The following ULK4 variants were observed in gnomAD, a reference collection of about 807,000 sequenced individuals.
The protein encoded by ULK4 is inactive serine/threonine-protein kinase ULK4.
A neutral mutation model predicts 160.6 loss-of-function variants in ULK4; 133 were observed. The observed-to-expected ratio is 0.83, with a 90% confidence interval of 0.72 to 0.96. The LOEUF (loss-of-function observed/expected upper bound fraction) is 0.96. Ranked by LOEUF, ULK4 falls within the 40% of genes least tolerant of loss-of-function variation. ULK4 has a pLI of 0.00. For synonymous variants in ULK4, 534 were observed against 539.8 expected, an observed-to-expected ratio of 0.99 and a Z score of 0.15; for missense variants, 1,580 against 1,499.5, an observed-to-expected ratio of 1.05 and a Z score of -0.89.
At chr3:41,937,478 G>A in intron 3 of ULK4, 1 of 560,096 alleles carries the variant, frequency 1.8e-6, no homozygotes, top group East Asian at 2.8e-5. Flanking sequence ...ATCCTTTATT[G>A]TTACTCAATG....
intron 13 of ULK4, among the ~76,000 whole-genome samples, chr3:41,899,487 A>C (rs1223038316): frequency 6.6e-6 from 1 of 152,234 alleles, no homozygotes; most frequent in African/African-American, 2.4e-5. Flanking sequence ...GAAACACAGA[A>C]TATTGTCTAA....
chr3:41,769,128 C>T (rs1244472789), intron 21 of ULK4, among the ~76,000 whole-genome samples: 1 of 152,128 alleles, frequency 6.6e-6, no homozygotes, highest in African/African-American at 2.4e-5. Context: ...TTATTTGTAA[C>T]ACAATAACTC....
At chr3:41,537,692 T>C (rs2086554701) in intron 32 of ULK4, among the ~76,000 whole-genome samples, 1 of 152,310 alleles carries the variant, frequency 6.6e-6, no homozygotes, top group Admixed American at 6.5e-5. Context: ...ATCATTGGGA[T>C]CAATCCAGAA....
intron 20 of ULK4, among the ~76,000 whole-genome samples, chr3:41,790,337 A>C (rs1390139866): frequency 6.6e-6 from 1 of 152,258 alleles, no homozygotes; most frequent in African/African-American, 2.4e-5. Flanking sequence ...TACAGTAGTT[A>C]AGTAACTTGC....
intron 22 of ULK4, among the ~76,000 whole-genome samples, chr3:41,723,397 T>C (rs1189543719): frequency 6.6e-6 from 1 of 152,166 alleles, no homozygotes; most frequent in Non-Finnish European, 1.5e-5. Context: ...TCTTTCTTCC[T>C]TCTTGTTTCT....
At chr3:41,270,708 T>C (rs1296232922) in intron 35 of ULK4, among the ~76,000 whole-genome samples, 1 of 152,216 alleles carries the variant, frequency 6.6e-6, no homozygotes, top group African/African-American at 2.4e-5. Flanking sequence ...TAAATACTAC[T>C]AATGTCCTCA....
intron 21 of ULK4, among the ~76,000 whole-genome samples, chr3:41,770,123 TAC>T (rs945739727): frequency 1.3e-5 from 2 of 152,230 alleles, no homozygotes; most frequent in African/African-American, 4.8e-5. Flanking sequence ...TATCACAATA[TAC>T]ACACATAATC....
At chr3:41,849,020 C>T (rs1252292781) in intron 17 of ULK4, among the ~76,000 whole-genome samples, 1 of 152,166 alleles carries the variant, frequency 6.6e-6, no homozygotes, top group Non-Finnish European at 1.5e-5. Flanking sequence ...CTTCCTCTGC[C>T]TCAGTAAACT....
At chr3:41,638,915 G>A (rs2125712989) in intron 30 of ULK4, among the ~76,000 whole-genome samples, 1 of 152,184 alleles carries the variant, frequency 6.6e-6, no homozygotes, top group African/African-American at 2.4e-5. Context: ...TATTAAGGGA[G>A]GATAACATCA....
At chr3:41,645,755 TTC>T (rs2034459091) in intron 30 of ULK4, among the ~76,000 whole-genome samples, 1 of 152,176 alleles carries the variant, frequency 6.6e-6, no homozygotes, top group African/African-American at 2.4e-5. Flanking sequence ...CTTGTTAACT[TTC>T]TGTCTTGTTG....
chr3:41,449,235 A>T (rs1429384807), intron 34 of ULK4, among the ~76,000 whole-genome samples: 7 of 150,278 alleles, frequency 4.7e-5, no homozygotes, highest in Admixed American at 6.6e-5. Context: ...TTATTTAAAA[A>T]TTTTTTTTTT....
chr3:41,804,089 T>G (rs986823312), intron 19 of ULK4, among the ~76,000 whole-genome samples: 10 of 151,902 alleles, frequency 6.6e-5, no homozygotes, highest in East Asian at 1.9e-4. Context: ...TGAACTAGTT[T>G]ACAGTCCCAC....
chr3:41,348,661 AGACT>A (rs2080852874), intron 35 of ULK4, among the ~76,000 whole-genome samples: 3 of 151,434 alleles, frequency 2.0e-5, no homozygotes, highest in Non-Finnish European at 4.4e-5. Context: ...AGTAAATGTA[AGACT>A]TCTTTGAGTA....
At chr3:41,389,058 T>C (rs1050623605) in intron 35 of ULK4, among the ~76,000 whole-genome samples, 1 of 152,034 alleles carries the variant, frequency 6.6e-6, no homozygotes, top group African/African-American at 2.4e-5. Flanking sequence ...CATTGAGCAG[T>C]GGTTTGTAGT....
intron 35 of ULK4, among the ~76,000 whole-genome samples, chr3:41,265,407 C>T (rs1257003649): frequency 2.0e-5 from 3 of 152,212 alleles, no homozygotes; most frequent in Admixed American, 6.5e-5. Context: ...CAGTCATTTG[C>T]TCTGTCCTCC....
At chr3:41,652,382 T>C (rs2034777519) in intron 30 of ULK4, among the ~76,000 whole-genome samples, 2 of 152,182 alleles carry the variant, frequency 1.3e-5, no homozygotes, top group South Asian at 4.1e-4. Context: ...AAAACAATAC[T>C]GGAGTGGATG....
At chr3:41,850,203 G>C (rs2042175488) in intron 17 of ULK4, among the ~76,000 whole-genome samples, 1 of 152,130 alleles carries the variant, frequency 6.6e-6, no homozygotes, top group African/African-American at 2.4e-5. Context: ...TCTTAATCCA[G>C]TCTATCATTG....
At chr3:41,279,709 A>G (rs2079312770) in intron 35 of ULK4, among the ~76,000 whole-genome samples, 1 of 152,242 alleles carries the variant, frequency 6.6e-6, no homozygotes, top group African/African-American at 2.4e-5. Flanking sequence ...CAGCCAAACT[A>G]AGCTTCATAA....
chr3:41,670,962 A>C (rs2035518624), intron 29 of ULK4, among the ~76,000 whole-genome samples: 1 of 152,072 alleles, frequency 6.6e-6, no homozygotes, highest in Non-Finnish European at 1.5e-5. Context: ...AGATCACTGT[A>C]CCTAAATGTG....
Sources: allele counts gnomAD v4.1 joint callset (sites outside exome capture counted in the v4.1 genomes callset), GRCh38; gene constraint gnomAD v4.1.1; transcripts MANE v1.5; gene names NCBI Gene and HGNC (gene_info 2026-07-23, HGNC 2026-07-21).